The following ZAR1 variants were observed in gnomAD, a reference collection of about 807,000 sequenced individuals.
ZAR1 encodes zygote arrest protein 1.
In ZAR1, 37 loss-of-function variants were observed where a neutral mutation model predicts 38.3. The ratio of observed to expected loss-of-function variants is 0.97; its 90% CI spans 0.74 to 1.27. ZAR1 has a LOEUF of 1.27. Among genes scored for constraint, ZAR1 ranks in the 50% most tolerant of loss-of-function variants. The pLI is 0.00. For missense variants in ZAR1, 651 were observed against 632.4 expected, an observed-to-expected ratio of 1.03 and a Z score of -0.32; for synonymous variants, 336 against 292.0, an observed-to-expected ratio of 1.15 and a Z score of -1.53.
intron 1 of ZAR1, among the ~76,000 whole-genome samples, 187 bp downstream of exon 1, chr4:48,491,441 C>G (rs1718440514): frequency 6.6e-6 from 1 of 152,218 alleles, no homozygotes; most frequent in Non-Finnish European, 1.5e-5. Flanking sequence ...CTCATGTCCC[C>G]GACATCCAGA....
At chr4:48,491,355 T>G in intron 1 of ZAR1, 101 bp downstream of exon 1, 1 of 958,692 alleles carries the variant, frequency 1.0e-6, no homozygotes, top group Non-Finnish European at 1.4e-6. Flanking sequence ...GGTGCGGCGC[T>G]TCCCTAAGCG....
chr4:48,491,767 GC>G (rs1213933913), intron 1 of ZAR1, among the ~76,000 whole-genome samples: 1 of 152,224 alleles, frequency 6.6e-6, no homozygotes, highest in Non-Finnish European at 1.5e-5. Flanking sequence ...CTCCTAAAAT[GC>G]CCCTTCCTAG....
intron 3 of ZAR1, among the ~76,000 whole-genome samples, chr4:48,493,637 C>T (rs1166187001): frequency 1.3e-5 from 2 of 152,222 alleles, no homozygotes; most frequent in African/African-American, 4.8e-5. Context: ...CCAGTTGAGA[C>T]AGCCTAATCA....
downstream of ZAR1, chr4:48,494,521 T>C: frequency 2.6e-6 from 1 of 386,060 alleles, no homozygotes; most frequent in Non-Finnish European, 4.7e-6. Context: ...GGCTCTGAGT[T>C]AGGCTGCAGC....
At chr4:48,497,402 G>C (rs1205944609), downstream of ZAR1, 1 of 152,432 alleles carries the variant, frequency 6.6e-6, no homozygotes, top group Non-Finnish European at 1.5e-5. Flanking sequence ...AATAGACTTA[G>C]TTACATATAA....
chr4:48,493,265 G>A lies in ZAR1; in HGVS notation c.1131+253G>A, dbSNP rs1560483169. 3.9e-5 allele frequency among the ~76,000 whole-genome samples: 6 copies of A among 152,170 alleles called. No individual in the cohort carries two copies. The South Asian group carries it at 1.0e-3, about 26-fold the overall frequency. ...TCACTTGCAATATGGAAGAATACTTGTCTTACTTGCTACTTAGTCTAATGT... is the reference window on the plus strand; with the variant it reads ...TCACTTGCAATATGGAAGAATACTTATCTTACTTGCTACTTAGTCTAATGT... On this transcript the variant is annotated intron_variant, in intron 3 of 3. Coordinates refer to ENST00000327939, the MANE Select transcript of ZAR1 (RefSeq NM_175619.3).
intron 1 of ZAR1, among the ~76,000 whole-genome samples, 169 bp from the exon 2 acceptor site, chr4:48,492,597 T>TA (rs1488751699): frequency 6.6e-6 from 1 of 152,250 alleles, no homozygotes; most frequent in Non-Finnish European, 1.5e-5. Flanking sequence ...TTGACTAGGC[T>TA]ATTAAGCTCA....
chr4:48,492,898 T>C, intron 2 of ZAR1, 40 bp downstream of exon 2: 5 of 1,614,012 alleles, frequency 3.1e-6, no homozygotes, highest in Non-Finnish European at 4.2e-6. Flanking sequence ...TTGCTGAAAG[T>C]GTCAAGGCGA....
chr4:48,492,374 C>G (rs1718467345), intron 1 of ZAR1, among the ~76,000 whole-genome samples: 1 of 152,138 alleles, frequency 6.6e-6, no homozygotes, highest in Admixed American at 6.5e-5. Context: ...TTGGGTGAAC[C>G]TTTAAAGTTC....
At position 48,494,261 on chromosome 4, in the gene ZAR1, C is replaced by T; in HGVS notation, c.*17C>T. The T allele has an allele frequency of 6.2e-7, 1 of 1,613,818 alleles. No homozygotes were observed. The highest frequency in any genetic ancestry group is 8.5e-7 in the Non-Finnish European group (1 of 1,179,898). On this transcript the variant is annotated 3_prime_UTR_variant, in exon 4 of 4. Coordinates refer to ENST00000327939, the MANE Select transcript of ZAR1 (RefSeq NM_175619.3). ...ATCATTTAGGTGAAAGTCAGTGTTG[C>T]TGTGCATGCGCTGATGGAGTAGACG...
chr4:48,492,930 C>T lies in ZAR1; in HGVS notation c.1057-8C>T. 1 of 1,614,188 alleles carries T rather than the reference C, an allele frequency of 6.2e-7. No individual in the cohort carries two copies. Among genetic ancestry groups the T allele is most frequent in the Non-Finnish European group, 8.5e-7 (1 of 1,180,024 alleles). The stretch of plus-strand genomic sequence containing the variant: ...GCGATTTTAAGTTTATCCTCTTTGT[C>T]ATCACAGGTTTACTTCAAACAGTTT... On this transcript the variant is annotated splice_polypyrimidine_tract_variant and splice_region_variant and intron_variant, in intron 2 of 3. Coordinates refer to ENST00000327939, the MANE Select transcript of ZAR1 (RefSeq NM_175619.3).
rs941880626 is a variant in ZAR1, at chr4:48,491,100, G to A, written c.809G>A (p.Gly270Asp). 11 of 1,275,216 alleles carry A rather than the reference G, an allele frequency of 8.6e-6. No individual in the cohort carries two copies. In the African/African-American group the frequency reaches 1.1e-4, roughly 13 times the overall value. The allele number at this position is 1,275,216 out of a possible 1,614,324, so 79.0% of individuals were successfully genotyped here. Residue 270 changes from glycine to aspartate, a missense_variant, in exon 1 of 4, where the codon GGC (glycine) becomes GAC (aspartate). Physicochemically the swap from Gly to Asp is moderately conservative, Grantham distance 94. This residue lies in a region of ZAR1 where 522 missense variants were observed against 459.9 expected (regional missense o/e 1.14). Transcript: ENST00000327939. ...CTGCCGCCGCGAGAGGCCCAGGAGG[G>A]CGAGGCGGCTCCGCGGTCGGCGCTA... Reference protein sequence around the residue: ...PELPPREAQEGEAAPRSALRS... With the variant: ...PELPPREAQEDEAAPRSALRS...
In ZAR1 at chr4:48,490,312, G is replaced by A; in HGVS notation, c.21G>A (p.Glu7=). The change falls in exon 1 of 4, where the codon GAG becomes GAA. Residue 7 remains glutamate (E), a synonymous_variant. Transcript: ENST00000327939. MAALGD[E]VLDGYVFPAC... is the part of the protein sequence containing the mutation. ...CGCCCATGGCGGCCCTGGGGGACGAGGTGCTGGACGGTTACGTGTTCCCGG... is the reference window on the plus strand; with the variant it reads ...CGCCCATGGCGGCCCTGGGGGACGAAGTGCTGGACGGTTACGTGTTCCCGG... 1.3e-6 allele frequency: 2 copies of A among 1,507,306 alleles called. No homozygotes were observed. Among genetic ancestry groups the A allele is most frequent in the East Asian group, 2.8e-5 (1 of 35,968 alleles). The allele number at this position is 1,507,306 out of a possible 1,614,324, so 93.4% of individuals were successfully genotyped here. A position where few individuals can be genotyped will look rare whatever the true frequency, so the allele number is the denominator to read the frequency against.
At chr4:48,495,452 C>T (rs568095934), downstream of ZAR1, among the ~76,000 whole-genome samples, 8 of 152,266 alleles carry the variant, frequency 5.3e-5, no homozygotes, top group East Asian at 3.9e-4. Flanking sequence ...AGGGGAAAGG[C>T]CCACCTGCAT....
Position 48,493,030 on chromosome 4 carries a change from C to A in ZAR1, c.1131+18C>A. 3 of 1,613,222 alleles carry A rather than the reference C, an allele frequency of 1.9e-6. No homozygotes were observed. The highest frequency in any genetic ancestry group is 2.5e-6 in the Non-Finnish European group (3 of 1,179,200). On this transcript the variant is annotated intron_variant, in intron 3 of 3. Transcript: ENST00000327939. Reference sequence around the variant, plus strand: ...CCTGTCAAGTAAATCAGATGTTTTGCATTTTGTCTGACCTGGGCAGTCGTC... The same window carrying A: ...CCTGTCAAGTAAATCAGATGTTTTGAATTTTGTCTGACCTGGGCAGTCGTC...
chr4:48,490,686 G>T lies in ZAR1; in HGVS notation c.395G>T (p.Arg132Leu). 7.6e-7 allele frequency: 1 copy of T among 1,314,316 alleles called. No individual in the cohort carries two copies. The highest frequency in any genetic ancestry group is 3.2e-5 in the East Asian group (1 of 31,622). The allele number at this position is 1,314,316 out of a possible 1,614,324, so 81.4% of individuals were successfully genotyped here. ...LGRRTLQRRARDPESPAGPGA... is the reference protein window; with the variant it reads ...LGRRTLQRRALDPESPAGPGA... Reference sequence around the variant, plus strand: ...AGGCGCACGCTGCAGCGCCGGGCCCGCGACCCCGAGTCCCCGGCCGGCCCC... The same window carrying T: ...AGGCGCACGCTGCAGCGCCGGGCCCTCGACCCCGAGTCCCCGGCCGGCCCC... The change falls in exon 1 of 4, where the codon CGC becomes CTC. Residue 132 changes from arginine to leucine, a missense_variant. Arg to Leu is a moderately radical substitution (Grantham distance 102). Around this residue, in one of 2 missense-constraint regions of ZAR1, gnomAD observed 522 missense variants for 459.9 expected, o/e 1.14. Coordinates refer to ENST00000327939, the MANE Select transcript of ZAR1 (RefSeq NM_175619.3).
chr4:48,494,279 A>T lies in ZAR1; in HGVS notation c.*35A>T. 6.2e-7 allele frequency: 1 copy of T among 1,606,888 alleles called. No individual in the cohort carries two copies. Among genetic ancestry groups the T allele is most frequent in the Admixed American group, 1.7e-5 (1 of 59,818 alleles). On this transcript the variant is annotated 3_prime_UTR_variant, in exon 4 of 4. Coordinates refer to ENST00000327939, the MANE Select transcript of ZAR1 (RefSeq NM_175619.3). ...AGTGTTGCTGTGCATGCGCTGATGGAGTAGACGAGTGAGCTTTTCCGTGCC... is the reference window on the plus strand; with the variant it reads ...AGTGTTGCTGTGCATGCGCTGATGGTGTAGACGAGTGAGCTTTTCCGTGCC...
chr4:48,492,968 C>G lies in ZAR1; in HGVS notation c.1087C>G (p.Gln363Glu). The stretch of plus-strand genomic sequence containing the variant: ...CTTCAAACAGTTTTGCAGAACTTGT[C>G]AGAAGTCTTATAACCCTTACCGAGT... Reference protein sequence around the residue: ...VYFKQFCRTCQKSYNPYRVED... With the variant: ...VYFKQFCRTCEKSYNPYRVED... Residue 363 changes from glutamine (Q) to glutamate (E), a missense_variant, in exon 3 of 4, where the codon CAG (glutamine) becomes GAG (glutamate). By Grantham distance (29) the Gln-to-Glu change is conservative. Around this residue, in one of 2 missense-constraint regions of ZAR1, gnomAD observed 129 missense variants for 172.5 expected, o/e 0.75. Coordinates refer to ENST00000327939, the MANE Select transcript of ZAR1 (RefSeq NM_175619.3). The G allele has an allele frequency of 6.2e-7, 1 of 1,614,186 alleles. No individual in the cohort carries two copies. Among genetic ancestry groups the G allele is most frequent in the Non-Finnish European group, 8.5e-7 (1 of 1,180,030 alleles).
In ZAR1 at chr4:48,491,059, G is replaced by T. The variant is rs925337814; in HGVS notation, c.768G>T (p.Pro256=). The change falls in exon 1 of 4, where the codon CCG becomes CCT. Residue 256 remains proline, a synonymous_variant. Coordinates refer to ENST00000327939, the MANE Select transcript of ZAR1 (RefSeq NM_175619.3). ...QAAVRASWEQ[P]ADGPELPPRE... ...CAGTCCGAGCGAGCTGGGAGCAGCC[G>T]GCCGACGGTCCCGAGCTGCCGCCGC... 7.5e-7 allele frequency: 1 copy of T among 1,333,724 alleles called. No homozygotes were observed. The highest frequency in any genetic ancestry group is 2.0e-5 in the South Asian group (1 of 50,874). The allele number at this position is 1,333,724 out of a possible 1,614,324, so 82.6% of individuals were successfully genotyped here. A position where few individuals can be genotyped will look rare whatever the true frequency, so the allele number is the denominator to read the frequency against.
Sources: gnomAD v4.1 joint callset for allele counts (sites outside exome capture counted in the v4.1 genomes callset) on GRCh38, gnomAD v4.1.1 for gene constraint, gnomAD v4.1.1 regional missense constraint, MANE v1.5 for transcripts, NCBI Gene and HGNC (gene_info 2026-07-23, HGNC 2026-07-21) for gene names.